Variants in SPAG16 observed in about 807,000 individuals in gnomAD.
SPAG16 encodes the protein sperm associated antigen 16.
A neutral mutation model predicts 80.4 loss-of-function variants in SPAG16; 86 were observed. The observed-to-expected ratio is 1.07, with a 90% CI of 0.90 to 1.28. The LOEUF (loss-of-function observed/expected upper bound fraction) is 1.28, where lower values mean the gene tolerates loss of function less well. Ranked by LOEUF, SPAG16 falls within the 50% of genes most tolerant of loss-of-function variation. SPAG16 has a pLI of 0.00. For synonymous variants in SPAG16, 294 were observed against 265.9 expected, an observed-to-expected ratio of 1.11 and a Z score of -1.03; for missense variants, 870 against 765.3, an observed-to-expected ratio of 1.14 and a Z score of -1.61.
intron 10 of SPAG16, among the ~76,000 whole-genome samples, chr2:213,720,154 C>T (rs749770555): frequency 5.9e-5 from 9 of 152,090 alleles, no homozygotes; most frequent in South Asian, 2.1e-4. Flanking sequence ...CATGGGCACA[C>T]GGAGGGGAAC....
At chr2:213,710,066 G>A (rs2065916794) in intron 10 of SPAG16, among the ~76,000 whole-genome samples, 2 of 152,084 alleles carry the variant, frequency 1.3e-5, no homozygotes, top group Admixed American at 6.6e-5. Flanking sequence ...AGGCAGATAA[G>A]GATGGAGATG....
chr2:213,553,862 A>C (rs1188789066), intron 10 of SPAG16, among the ~76,000 whole-genome samples: 1 of 152,188 alleles, frequency 6.6e-6, no homozygotes, highest in East Asian at 1.9e-4. Flanking sequence ...TTAACTCTGC[A>C]TACACCTGTG....
chr2:213,458,805 A>T (rs13030561), intron 9 of SPAG16, among the ~76,000 whole-genome samples: 132 of 152,302 alleles, frequency 8.7e-4, no homozygotes, highest in Middle Eastern at 6.8e-3. Context: ...TTTGAATACA[A>T]TATATCTATA....
chr2:213,701,086 A>C (rs2065393710), intron 10 of SPAG16, among the ~76,000 whole-genome samples: 1 of 152,016 alleles, frequency 6.6e-6, no homozygotes, highest in Non-Finnish European at 1.5e-5. Flanking sequence ...CTAAAAATAC[A>C]AAAATTAGCT....
intron 9 of SPAG16, among the ~76,000 whole-genome samples, chr2:213,485,514 T>C (rs1318414655): frequency 6.6e-6 from 1 of 152,146 alleles, no homozygotes; most frequent in Non-Finnish European, 1.5e-5. Flanking sequence ...TATTTGCTTA[T>C]TATCTTTTGC....
rs141048371 is a variant in SPAG16, at chr2:214,025,651, C to T, written c.1527+11574C>T. On this transcript the variant is annotated intron_variant, in intron 13 of 15. Coordinates refer to ENST00000331683, the MANE Select transcript of SPAG16 (RefSeq NM_024532.5). ...TTGTGATCCGTGTAAGGTAAAACAA[C>T]ACCTCTTGTTATATAGATTTATAGC... 2.2e-4 allele frequency among the ~76,000 whole-genome samples: 34 copies of T among 151,708 alleles called. No individual in the cohort carries two copies. The East Asian group carries it at 5.2e-3, about 23-fold the overall frequency.
intron 10 of SPAG16, among the ~76,000 whole-genome samples, chr2:213,690,434 C>G (rs1014614386): frequency 9.2e-5 from 14 of 152,216 alleles, no homozygotes; most frequent in African/African-American, 3.1e-4. Context: ...CTATCCACTG[C>G]TTTGATAAGG....
intron 10 of SPAG16, among the ~76,000 whole-genome samples, chr2:213,632,596 G>A (rs2062196919): frequency 6.6e-6 from 1 of 152,024 alleles, no homozygotes; most frequent in Non-Finnish European, 1.5e-5. Flanking sequence ...GTATGATACT[G>A]GCTGTAAGAC....
chr2:214,192,436 T>G (rs953687340), intron 15 of SPAG16, among the ~76,000 whole-genome samples: 1 of 152,108 alleles, frequency 6.6e-6, no homozygotes, highest in Non-Finnish European at 1.5e-5. Flanking sequence ...AAATGGAGAT[T>G]TGTTTCTTCT....
chr2:213,503,891 T>C (rs2074855398), intron 10 of SPAG16, among the ~76,000 whole-genome samples: 1 of 152,180 alleles, frequency 6.6e-6, no homozygotes, highest in Non-Finnish European at 1.5e-5. Flanking sequence ...CAGGTTTTAA[T>C]TGGAAAGCCA....
intron 10 of SPAG16, among the ~76,000 whole-genome samples, chr2:213,505,787 GC>G (rs2074943977): frequency 1.3e-5 from 2 of 151,790 alleles, no homozygotes; most frequent in Admixed American, 1.3e-4. Context: ...ATCCCTACAA[GC>G]CCCATCCCTC....
chr2:214,066,777 A>G (rs2050550525), intron 13 of SPAG16, among the ~76,000 whole-genome samples: 1 of 152,236 alleles, frequency 6.6e-6, no homozygotes. Context: ...TAAAACTTGT[A>G]TTGATAACTA....
At chr2:214,246,436 A>G (rs1453730638) in intron 15 of SPAG16, among the ~76,000 whole-genome samples, 1 of 152,140 alleles carries the variant, frequency 6.6e-6, no homozygotes. Flanking sequence ...TAGAATTGAC[A>G]GAATTAACAT....
chr2:213,662,774 ATAT>A (rs1020143110), intron 10 of SPAG16, among the ~76,000 whole-genome samples: 1 of 152,074 alleles, frequency 6.6e-6, no homozygotes, highest in African/African-American at 2.4e-5. Context: ...AATATAATAA[ATAT>A]TATAGTGTCA....
chr2:213,848,424 CTT>C (rs1417147982), intron 10 of SPAG16, among the ~76,000 whole-genome samples: 1 of 152,178 alleles, frequency 6.6e-6, no homozygotes, highest in Non-Finnish European at 1.5e-5. Context: ...GCTTGGTTTT[CTT>C]AATTTGTCAT....
intron 3 of SPAG16, among the ~76,000 whole-genome samples, chr2:213,303,862 A>G (rs1226737887): frequency 6.6e-6 from 1 of 152,100 alleles, no homozygotes; most frequent in African/African-American, 2.4e-5. Context: ...TATATTTTCG[A>G]TATACTGATT....
chr2:213,586,608 C>T (rs2060480110), intron 10 of SPAG16, among the ~76,000 whole-genome samples: 1 of 152,196 alleles, frequency 6.6e-6, no homozygotes, highest in Admixed American at 6.5e-5. Context: ...AATCTTAACT[C>T]ATTTCAGAAT....
intron 15 of SPAG16, among the ~76,000 whole-genome samples, chr2:214,313,733 A>G (rs1695488004): frequency 6.6e-6 from 1 of 152,084 alleles, no homozygotes; most frequent in African/African-American, 2.4e-5. Flanking sequence ...TTTTATTTCC[A>G]AAATAAAAGT....
At position 213,720,471 on chromosome 2, in the gene SPAG16, C is replaced by CA. The variant is rs57358797; in HGVS notation, c.1071-141997dup. Reference sequence around the variant, plus strand: ...TGAAACCCCATCTCTACTAAAAATACAAAAAAAAAAAAAAAAATTAGCTGG... The same window carrying CA: ...TGAAACCCCATCTCTACTAAAAATACAAAAAAAAAAAAAAAAAATTAGCTGG... On this transcript the variant is annotated intron_variant, in intron 10 of 15. Coordinates refer to ENST00000331683, the MANE Select transcript of SPAG16 (RefSeq NM_024532.5). 2.3e-3 allele frequency among the ~76,000 whole-genome samples: 306 copies of CA among 135,678 alleles called. 1 individual carries two copies. Among genetic ancestry groups the CA allele is most frequent in the African/African-American group, 7.8e-3 (281 of 35,900 alleles). The allele number at this position is 135,678 out of a possible 152,430, so 89.0% of individuals were successfully genotyped here. A position where few individuals can be genotyped will look rare whatever the true frequency, so the allele number is the denominator to read the frequency against.
Sources: allele counts gnomAD v4.1 joint callset (sites outside exome capture counted in the v4.1 genomes callset), GRCh38; gene constraint gnomAD v4.1.1; transcripts MANE v1.5; gene names NCBI Gene and HGNC (gene_info 2026-07-23, HGNC 2026-07-21).